The following CAND2 variants were observed in gnomAD, a reference collection of about 807,000 sequenced individuals.
CAND2 encodes cullin associated and neddylation dissociated 2 (putative).
CAND2 carries 62 observed loss-of-function variants against 98.9 expected under a neutral mutation model. That is an observed-to-expected ratio of 0.63 (90% CI 0.51 to 0.77). The LOEUF is 0.77. Among genes scored for constraint, CAND2 ranks in the 30% least tolerant of loss-of-function variants. The pLI is 0.00. For synonymous variants in CAND2, 770 were observed against 731.9 expected (o/e 1.05, Z -0.84); for missense variants, 1,501 against 1,655.2 (o/e 0.91, Z 1.62).
intron 1 of CAND2, among the ~76,000 whole-genome samples, chr3:12,798,242 C>T (rs1453196994): frequency 6.6e-6 from 1 of 152,106 alleles, no homozygotes; most frequent in Non-Finnish European, 1.5e-5. Flanking sequence ...CCTCTCTAGA[C>T]CTTCACTAGG....
intron 2 of CAND2, among the ~76,000 whole-genome samples, chr3:12,804,652 A>C (rs1031245626): frequency 6.6e-6 from 1 of 152,170 alleles, no homozygotes; most frequent in African/African-American, 2.4e-5. Context: ...TCTCACACCC[A>C]CACCTGAGAA....
At chr3:12,796,877 G>T in intron 1 of CAND2, 89 bp downstream of exon 1, 1 of 1,024,950 alleles carries the variant, frequency 9.8e-7, no homozygotes, top group South Asian at 1.4e-5. Flanking sequence ...CATCCCCCAT[G>T]ACCATGCAGC....
rs1231774945 is a variant in CAND2, at chr3:12,815,580, A to G, written c.1299+147A>G. The G allele has an allele frequency of 1.1e-6, 1 of 910,076 alleles. No individual in the cohort carries two copies. Among genetic ancestry groups the G allele is most frequent in the Non-Finnish European group, 1.7e-6 (1 of 604,486 alleles). 56.4% of individuals were successfully genotyped at this position (910,076 alleles called of 1,614,324 possible). On this transcript the variant is annotated intron_variant, in intron 8 of 14. Transcript: ENST00000456430. The surrounding 1 kb of genome is among the most constrained non-coding windows in gnomAD (Gnocchi z 5.7). ...GTCCCTGGGGTGGGGGGCGGGAGCC[A>G]GCCAGGCTTCTGGAGTGTAGTAGTG...
chr3:12,823,720 A>T (rs2061977447), intron 11 of CAND2, among the ~76,000 whole-genome samples: 2 of 125,052 alleles, frequency 1.6e-5, no homozygotes, highest in African/African-American at 6.7e-5. Flanking sequence ...ACAGAGCGAG[A>T]CTCCATCTCA....
In CAND2 at chr3:12,796,803, C is replaced by T. The variant is rs914375649; in HGVS notation, c.68+15C>T. On this transcript the variant is annotated intron_variant, in intron 1 of 14. Coordinates refer to ENST00000456430, the MANE Select transcript of CAND2 (RefSeq NM_001162499.2). ...AAGGACTTCAGGTGCAGCCCGCCGC[C>T]GGCCCCCTTCTCTCCTTCCCGCTCT... The T allele has an allele frequency of 2.2e-5, 35 of 1,566,364 alleles. No individual in the cohort carries two copies. The highest frequency in any genetic ancestry group is 2.9e-5 in the Non-Finnish European group (34 of 1,153,964).
chr3:12,808,077 G>A, intron 3 of CAND2, 133 bp from the exon 4 acceptor site: 1 of 1,192,768 alleles, frequency 8.4e-7, no homozygotes, highest in Non-Finnish European at 1.2e-6. Flanking sequence ...TCAAACCTGG[G>A]ACCTCTGGAG....
intron 1 of CAND2, among the ~76,000 whole-genome samples, chr3:12,803,100 C>T (rs1323828286): frequency 6.6e-6 from 1 of 151,768 alleles, no homozygotes; most frequent in African/African-American, 2.4e-5. Flanking sequence ...CGCCATTCTC[C>T]TGCTTCAGCC....
chr3:12,829,451 A>G (rs1465861726), intron 13 of CAND2, among the ~76,000 whole-genome samples: 1 of 152,242 alleles, frequency 6.6e-6, no homozygotes, highest in South Asian at 2.1e-4. Context: ...CCGGCCCCAT[A>G]TTACAACTTT....
At chr3:12,811,273 C>T (rs561270193) in intron 5 of CAND2, among the ~76,000 whole-genome samples, 29 of 152,142 alleles carry the variant, frequency 1.9e-4, no homozygotes, top group Non-Finnish European at 1.5e-5. Context: ...GCAGGAAACT[C>T]GGGTCCCCAG....
rs556225359 is a variant in CAND2 at position 12,821,190 on chromosome 3, C to T, written c.3040+1009C>T. Among the ~76,000 whole-genome samples, 77 of 150,604 alleles carry T rather than the reference C, an allele frequency of 5.1e-4. 1 individual carries two copies. In the South Asian group the frequency reaches 0.015, roughly 29 times the overall value. On this transcript the variant is annotated intron_variant, in intron 11 of 14. Coordinates refer to ENST00000456430, the MANE Select transcript of CAND2 (RefSeq NM_001162499.2). ...TGAAGGTTGCAGTGAGCGGAGATTG[C>T]ACCACTGCACTCTAGCCTGGGCGAC...
chr3:12,803,777 C>T (rs758413833), intron 2 of CAND2, 146 bp downstream of exon 2: 9 of 647,408 alleles, frequency 1.4e-5, no homozygotes, highest in African/African-American at 5.5e-5. Flanking sequence ...TGAGTTTTCC[C>T]AGAAGATGCT....
chr3:12,823,293 T>TTTGTTTG (rs1208431958), intron 11 of CAND2, among the ~76,000 whole-genome samples: 1 of 151,860 alleles, frequency 6.6e-6, no homozygotes, highest in African/African-American at 2.4e-5. Flanking sequence ...TGTTGGTTTG[T>TTTGTTTG]TTTTGCAGGG....
chr3:12,832,283 T>C (rs926935502), intron 14 of CAND2: 1 of 152,364 alleles, frequency 6.6e-6, no homozygotes, highest in South Asian at 2.1e-4. Flanking sequence ...TAAGTTTACA[T>C]TTTTAACATA....
At chr3:12,807,940 C>A (rs906925782) in intron 3 of CAND2, among the ~76,000 whole-genome samples, 1 of 152,208 alleles carries the variant, frequency 6.6e-6, no homozygotes, top group Admixed American at 6.5e-5. Flanking sequence ...AAGTGTTTAA[C>A]TTTCCCTGCC....
chr3:12,808,972 G>A (rs1241799080), intron 4 of CAND2, among the ~76,000 whole-genome samples: 1 of 152,118 alleles, frequency 6.6e-6, no homozygotes, highest in African/African-American at 2.4e-5. Flanking sequence ...GCAGGGGTGA[G>A]TATTTGTGTG....
At chr3:12,819,537 C>T (rs1429824538) in intron 10 of CAND2, among the ~76,000 whole-genome samples, 1 of 152,202 alleles carries the variant, frequency 6.6e-6, no homozygotes, top group Admixed American at 6.5e-5. Context: ...GTGACCGAGC[C>T]TGGAGGTGAT....
chr3:12,802,326 C>T (rs1575762908), intron 1 of CAND2, among the ~76,000 whole-genome samples: 1 of 150,526 alleles, frequency 6.6e-6, no homozygotes, highest in South Asian at 2.1e-4. Context: ...GACTCCATCT[C>T]AAAAAACAAA....
intron 11 of CAND2, among the ~76,000 whole-genome samples, chr3:12,823,009 A>T (rs565930127): frequency 2.0e-5 from 3 of 152,092 alleles, no homozygotes; most frequent in African/African-American, 7.2e-5. Context: ...GCTGCTTCGT[A>T]TTGCAGTCTA....
Position 12,817,789 on chromosome 3 carries a change from C to G in CAND2, c.2857C>G (p.Arg953Gly). The change falls in exon 10 of 15, where the codon CGG becomes GGG. Residue 953 changes from arginine to glycine, a missense_variant. Around this residue, in one of 3 missense-constraint regions of CAND2, gnomAD observed 1,427 missense variants for 1,545.3 expected, o/e 0.92. Transcript: ENST00000456430. Reference sequence around the variant, plus strand: ...CTGCGAGGGTGCTGAGGAGGGCACCCGGGGGGTGGTGGCCGAGTGCATTGG... The same window carrying G: ...CTGCGAGGGTGCTGAGGAGGGCACCGGGGGGGTGGTGGCCGAGTGCATTGG... ...QRCEGAEEGT[R>G]GVVAECIGKL... 1 of 1,532,228 alleles carries G rather than the reference C, an allele frequency of 6.5e-7. No individual in the cohort carries two copies. Among genetic ancestry groups the G allele is most frequent in the Non-Finnish European group, 8.8e-7 (1 of 1,141,130 alleles). 94.9% of individuals were successfully genotyped at this position (1,532,228 alleles called of 1,614,324 possible).
Sources: gnomAD v4.1 joint callset for allele counts (sites outside exome capture counted in the v4.1 genomes callset) on GRCh38, gnomAD v4.1.1 for gene constraint, gnomAD v4.1.1 regional missense constraint, Gnocchi (gnomAD v3.1) non-coding constraint, MANE v1.5 for transcripts, NCBI Gene and HGNC (gene_info 2026-07-23, HGNC 2026-07-21) for gene names.